The following ITPK1 variants were observed in gnomAD, a reference collection of about 807,000 sequenced individuals.
ITPK1 encodes inositol-tetrakisphosphate 1-kinase.
Under a neutral mutation model 45.3 loss-of-function variants are expected in ITPK1, and 21 were observed. The ratio of observed to expected loss-of-function variants is 0.46; its 90% CI spans 0.33 to 0.67. ITPK1 has a LOEUF of 0.67. Ranked by LOEUF, ITPK1 falls within the 30% of genes least tolerant of loss-of-function variation. The probability of loss-of-function intolerance (pLI) is 0.02; values close to 1 mark genes in which losing one functional copy is unlikely to be tolerated. For synonymous variants in ITPK1, 258 were observed against 253.6 expected (o/e 1.02, Z -0.16); for missense variants, 474 against 573.5 (o/e 0.83, Z 1.77).
At chr14:93,055,791 G>A (rs935154576) in intron 3 of ITPK1, among the ~76,000 whole-genome samples, 1 of 152,144 alleles carries the variant, frequency 6.6e-6, no homozygotes, top group Admixed American at 6.5e-5. Context: ...CACTCCCCGG[G>A]CAGAGAGTAC....
chr14:92,980,179 T>A (rs1043291347), intron 5 of ITPK1, among the ~76,000 whole-genome samples: 1 of 152,198 alleles, frequency 6.6e-6, no homozygotes, highest in Non-Finnish European at 1.5e-5. Context: ...ACAGCTTCGA[T>A]GCAGGATCCT....
chr14:92,998,408 C>T (rs1887169424), intron 4 of ITPK1, among the ~76,000 whole-genome samples: 1 of 152,188 alleles, frequency 6.6e-6, no homozygotes, highest in Non-Finnish European at 1.5e-5. Context: ...ACACAACCTC[C>T]CAACCCCACC....
intron 2 of ITPK1, among the ~76,000 whole-genome samples, chr14:93,083,315 G>C (rs953083327): frequency 3.3e-5 from 5 of 152,166 alleles, no homozygotes; most frequent in African/African-American, 1.2e-4. Flanking sequence ...GCAGGCATGG[G>C]ATGTGCTGCT....
intron 8 of ITPK1, among the ~76,000 whole-genome samples, chr14:92,953,047 C>T (rs538988993): frequency 3.3e-5 from 5 of 152,370 alleles, no homozygotes; most frequent in Non-Finnish European, 7.3e-5. Flanking sequence ...ATGCAATGCA[C>T]ACCCCTGGCA....
rs369561160 is a variant in ITPK1 at position 93,094,462 on chromosome 14, G to A, written c.96-17843C>T. 5.9e-5 allele frequency among the ~76,000 whole-genome samples: 9 copies of A among 152,340 alleles called. No homozygotes were observed. The East Asian group carries it at 1.7e-3, about 29-fold the overall frequency. On this transcript the variant is annotated intron_variant, in intron 2 of 10. Coordinates refer to ENST00000267615, the MANE Select transcript of ITPK1 (RefSeq NM_014216.6). ...CATACAGCTAAGTCACCAAGGAGCT[G>A]TCAGCTGGACGTGGCCCCTGGGAGC...
At chr14:92,999,346 TCAGAGA>T (rs1887219923) in intron 4 of ITPK1, among the ~76,000 whole-genome samples, 1 of 152,240 alleles carries the variant, frequency 6.6e-6, no homozygotes, top group Non-Finnish European at 1.5e-5. Context: ...GAGGTTTTGG[TCAGAGA>T]CAAAGTCCCG....
intron 5 of ITPK1, among the ~76,000 whole-genome samples, chr14:92,984,264 G>T (rs1886382897): frequency 6.6e-6 from 1 of 152,212 alleles, no homozygotes; most frequent in African/African-American, 2.4e-5. Flanking sequence ...TGCAGGGCCG[G>T]AAGTGAGGGC....
At chr14:93,101,551 C>T (rs1385876465) in intron 2 of ITPK1, among the ~76,000 whole-genome samples, 2 of 152,172 alleles carry the variant, frequency 1.3e-5, no homozygotes, top group Non-Finnish European at 2.9e-5. Context: ...CAGTCATCCA[C>T]CTAGTAAGAA....
At chr14:93,033,469 GA>G (rs1216447438) in intron 3 of ITPK1, among the ~76,000 whole-genome samples, 1 of 152,308 alleles carries the variant, frequency 6.6e-6, no homozygotes, top group African/African-American at 2.4e-5. Flanking sequence ...CAGCCCTGCT[GA>G]GCACAGACAT....
intron 5 of ITPK1, among the ~76,000 whole-genome samples, chr14:92,972,963 T>C (rs61229602): frequency 0.016 from 2,453 of 152,304 alleles, 79 homozygotes; most frequent in African/African-American, 0.057. Context: ...GTCCCCACTA[T>C]ATCTCTGGGA....
At chr14:93,078,442 C>T (rs996218470) in intron 2 of ITPK1, among the ~76,000 whole-genome samples, 1 of 152,190 alleles carries the variant, frequency 6.6e-6, no homozygotes, top group Non-Finnish European at 1.5e-5. Flanking sequence ...GGGAAGCACC[C>T]AGCCCACCTT....
In ITPK1 at chr14:93,079,168, C is replaced by T. The variant is rs188112840; in HGVS notation, c.96-2549G>A. On this transcript the variant is annotated intron_variant, in intron 2 of 10. Coordinates refer to ENST00000267615, the MANE Select transcript of ITPK1 (RefSeq NM_014216.6). ...TCTCTCACTGAAAACAGATGGAACACATAAAATAAGAAAGCAACAAAAAAG... is the reference window on the plus strand; with the variant it reads ...TCTCTCACTGAAAACAGATGGAACATATAAAATAAGAAAGCAACAAAAAAG... 1.8e-4 allele frequency among the ~76,000 whole-genome samples: 28 copies of T among 152,316 alleles called. 1 individual carries two copies. The East Asian group carries it at 4.0e-3, about 22-fold the overall frequency.
At chr14:92,959,915 G>C (rs974151474) in intron 7 of ITPK1, among the ~76,000 whole-genome samples, 2 of 152,168 alleles carry the variant, frequency 1.3e-5, no homozygotes, top group African/African-American at 2.4e-5. Context: ...GAGGACTCCC[G>C]ATCAGAAGCA....
chr14:93,023,704 T>C (rs1436059991), intron 3 of ITPK1, among the ~76,000 whole-genome samples: 1 of 152,084 alleles, frequency 6.6e-6, no homozygotes, highest in Non-Finnish European at 1.5e-5. Flanking sequence ...ACATTGTAGT[T>C]TATTAGTATT....
intron 5 of ITPK1, among the ~76,000 whole-genome samples, chr14:92,974,723 G>A (rs920719861): frequency 6.6e-6 from 1 of 152,268 alleles, no homozygotes; most frequent in African/African-American, 2.4e-5. Context: ...CTTAGGCACT[G>A]AGGAACTCAG....
chr14:93,043,867 C>A (rs998001184), intron 3 of ITPK1, among the ~76,000 whole-genome samples: 2 of 152,230 alleles, frequency 1.3e-5, no homozygotes, highest in Non-Finnish European at 2.9e-5. Context: ...CCCCAATACA[C>A]ATCTTCCTAC....
Position 92,947,443 on chromosome 14 carries a change from G to A in ITPK1, c.739-950C>T, listed in dbSNP as rs576477489. 4.6e-5 allele frequency among the ~76,000 whole-genome samples: 7 copies of A among 152,370 alleles called. No individual in the cohort carries two copies. The South Asian group carries it at 1.4e-3, about 32-fold the overall frequency. ...GCCTGCCCCCAGCCAAGGCCTCCAA[G>A]GAAGTGGGGCACTGCACTGGGAAGG... On this transcript the variant is annotated intron_variant, in intron 9 of 10. Transcript: ENST00000267615.
At chr14:93,026,330 CA>C (rs1284184626) in intron 3 of ITPK1, among the ~76,000 whole-genome samples, 4 of 152,052 alleles carry the variant, frequency 2.6e-5, no homozygotes, top group African/African-American at 9.7e-5. Flanking sequence ...AAAACATGAA[CA>C]AAAGATATGT....
At chr14:93,024,537 C>A (rs557077138) in intron 3 of ITPK1, among the ~76,000 whole-genome samples, 6 of 152,344 alleles carry the variant, frequency 3.9e-5, no homozygotes, top group African/African-American at 1.4e-4. Flanking sequence ...TTCTTCCTCA[C>A]ATGAGGCTGG....
Sources: gnomAD v4.1 joint callset for allele counts (sites outside exome capture counted in the v4.1 genomes callset) on GRCh38, gnomAD v4.1.1 for gene constraint, MANE v1.5 for transcripts, NCBI Gene and HGNC (gene_info 2026-07-23, HGNC 2026-07-21) for gene names.